CCDC102B: variants seen among roughly 807,000 people sequenced by gnomAD.
CCDC102B encodes coiled-coil domain-containing protein 102B.
Under a neutral mutation model 57.4 loss-of-function variants are expected in CCDC102B, and 75 were observed. The observed-to-expected ratio is 1.31, with a 90% CI of 1.08 to 1.58. The LOEUF (loss-of-function observed/expected upper bound fraction) is 1.58. Ranked by LOEUF, CCDC102B falls within the 40% of genes most tolerant of loss-of-function variation. The pLI is 0.00. For missense variants in CCDC102B, 636 were observed against 582.6 expected, an observed-to-expected ratio of 1.09 and a Z score of -0.94; for synonymous variants, 206 against 201.9, an observed-to-expected ratio of 1.02 and a Z score of -0.17.
chr18:68,838,542 A>C, intron 2 of CCDC102B, 164 bp from the exon 3 acceptor site: 1 of 985,462 alleles, frequency 1.0e-6, no homozygotes, highest in Non-Finnish European at 1.2e-6. Flanking sequence ...AGCTCAAAGA[A>C]GAATGCAAGT....
chr18:68,998,214 T>G (rs1540431), intron 6 of CCDC102B, among the ~76,000 whole-genome samples: 130,007 of 151,440 alleles, frequency 0.86, 57,722 homozygotes, highest in Non-Finnish European at 0.97. Context: ...GAAACAAGCT[T>G]GCATATGCAA....
chr18:68,772,498 A>G (rs2034673187), intron 2 of CCDC102B, among the ~76,000 whole-genome samples: 2 of 152,132 alleles, frequency 1.3e-5, no homozygotes, highest in Non-Finnish European at 2.9e-5. Flanking sequence ...TCTTCATAAG[A>G]TCTATGGCCA....
At chr18:68,720,663 A>G (rs774668494) in intron 2 of CCDC102B, among the ~76,000 whole-genome samples, 2 of 152,186 alleles carry the variant, frequency 1.3e-5, no homozygotes, top group Non-Finnish European at 2.9e-5. Flanking sequence ...CTGTTATTAC[A>G]TTGTATTCCT....
At chr18:68,990,383 C>T (rs1665995210) in intron 6 of CCDC102B, among the ~76,000 whole-genome samples, 1 of 152,144 alleles carries the variant, frequency 6.6e-6, no homozygotes, top group Non-Finnish European at 1.5e-5. Flanking sequence ...CTTTAATTTT[C>T]TCTGGTCATC....
chr18:68,769,901 G>A (rs536015113), intron 2 of CCDC102B, among the ~76,000 whole-genome samples: 396 of 152,262 alleles, frequency 2.6e-3, no homozygotes, highest in Non-Finnish European at 4.8e-3. Context: ...TTAAGCTGTA[G>A]AACAATATGG....
intron 2 of CCDC102B, among the ~76,000 whole-genome samples, chr18:68,785,230 T>G (rs1568248633): frequency 6.6e-6 from 1 of 152,044 alleles, no homozygotes; most frequent in Non-Finnish European, 1.5e-5. Flanking sequence ...TCTATCATTG[T>G]TGGACATTTG....
chr18:68,748,749 T>G (rs1031760988), intron 2 of CCDC102B, among the ~76,000 whole-genome samples: 2 of 152,160 alleles, frequency 1.3e-5, no homozygotes, highest in Non-Finnish European at 2.9e-5. Flanking sequence ...TTTTCTGCAA[T>G]GGAACTCTAA....
At chr18:68,848,832 ACT>A (rs1261420897) in intron 4 of CCDC102B, among the ~76,000 whole-genome samples, 1 of 151,734 alleles carries the variant, frequency 6.6e-6, no homozygotes, top group Non-Finnish European at 1.5e-5. Context: ...ACAGTCAGTG[ACT>A]CTGATTCTTT....
intron 7 of CCDC102B, 199 bp downstream of exon 7, chr18:69,011,303 A>G: frequency 3.6e-6 from 2 of 560,450 alleles, no homozygotes; most frequent in Non-Finnish European, 6.1e-6. Context: ...GTAATAGTAT[A>G]TGTTTTACGA....
At chr18:68,983,511 A>G (rs1599792642) in intron 6 of CCDC102B, among the ~76,000 whole-genome samples, 1 of 152,000 alleles carries the variant, frequency 6.6e-6, no homozygotes, top group African/African-American at 2.4e-5. Flanking sequence ...AGAGTTCACT[A>G]TTTTACTAGC....
intron 6 of CCDC102B, among the ~76,000 whole-genome samples, chr18:68,966,478 T>G (rs1368868886): frequency 6.6e-6 from 1 of 152,162 alleles, no homozygotes; most frequent in African/African-American, 2.4e-5. Context: ...GTTATTGCTA[T>G]GGTTACCCTG....
chr18:68,819,043 C>T (rs556542791), intron 1 of CCDC102B, among the ~76,000 whole-genome samples: 20 of 152,172 alleles, frequency 1.3e-4, no homozygotes, highest in African/African-American at 3.1e-4. Context: ...GCATTCTTCA[C>T]GCTATTATTT....
chr18:68,978,826 A>G (rs1431589413), intron 6 of CCDC102B, among the ~76,000 whole-genome samples: 1 of 152,102 alleles, frequency 6.6e-6, no homozygotes, highest in Non-Finnish European at 1.5e-5. Context: ...AACTTGAAAC[A>G]GCATAAACAT....
At chr18:68,915,292 G>C (rs752952998) in intron 6 of CCDC102B, among the ~76,000 whole-genome samples, 3 of 152,168 alleles carry the variant, frequency 2.0e-5, no homozygotes, top group Non-Finnish European at 4.4e-5. Context: ...GTGAGGAGTG[G>C]TAGCATATGG....
In CCDC102B at chr18:68,864,301, A is replaced by G. The variant is rs559232657; in HGVS notation, c.937-10368A>G. Among the ~76,000 whole-genome samples, 22 of 152,108 alleles carry G rather than the reference A, an allele frequency of 1.4e-4. No homozygotes were observed. The East Asian group carries it at 4.2e-3, about 29-fold the overall frequency. On this transcript the variant is annotated intron_variant, in intron 4 of 7. Transcript: ENST00000360242. Reference sequence around the variant, plus strand: ...TTCCTATATTTTCTATTCTTTCAATATAGAAGAGACAGAAAAGTACAAAGA... The same window carrying G: ...TTCCTATATTTTCTATTCTTTCAATGTAGAAGAGACAGAAAAGTACAAAGA...
chr18:68,899,945 A>G (rs1025225415), intron 6 of CCDC102B: 2 of 152,178 alleles, frequency 1.3e-5, no homozygotes, highest in Admixed American at 1.3e-4. Context: ...TTTATATACT[A>G]TGTTTAAGGA....
chr18:68,914,716 G>A (rs962342420), intron 6 of CCDC102B, among the ~76,000 whole-genome samples: 1 of 152,100 alleles, frequency 6.6e-6, no homozygotes, highest in Non-Finnish European at 1.5e-5. Context: ...GTTTTTATGA[G>A]TCTTTCTTAA....
chr18:68,764,253 CTAT>C (rs2034353047), intron 2 of CCDC102B, among the ~76,000 whole-genome samples: 1 of 152,136 alleles, frequency 6.6e-6, no homozygotes, highest in Non-Finnish European at 1.5e-5. Flanking sequence ...TATAACACTA[CTAT>C]GATTACTAAT....
intron 5 of CCDC102B, among the ~76,000 whole-genome samples, chr18:68,878,691 A>T (rs544489681): frequency 6.6e-6 from 1 of 152,172 alleles, no homozygotes; most frequent in Non-Finnish European, 1.5e-5. Context: ...CTTGGATTCC[A>T]GGCTCCAGAA....
Sources: allele counts gnomAD v4.1 joint callset (sites outside exome capture counted in the v4.1 genomes callset), GRCh38; gene constraint gnomAD v4.1.1; transcripts MANE v1.5; gene names NCBI Gene and HGNC (gene_info 2026-07-23, HGNC 2026-07-21).